The following CRADD variants were observed in gnomAD, a reference collection of about 807,000 sequenced individuals.
CRADD encodes death domain-containing protein CRADD.
Under a neutral mutation model 15.5 loss-of-function variants are expected in CRADD, and 9 were observed. The observed-to-expected ratio is 0.58, with a 90% confidence interval of 0.35 to 1.01. CRADD has a LOEUF of 1.01. CRADD is among the 50% of genes least tolerant of loss of function. CRADD has a pLI of 0.02. For synonymous variants in CRADD, 118 were observed against 107.6 expected (o/e 1.10, Z -0.60); for missense variants, 227 against 250.3 (o/e 0.91, Z 0.63).
intron 2 of CRADD, among the ~76,000 whole-genome samples, chr12:93,827,872 A>G (rs1311565549): frequency 1.3e-5 from 2 of 152,196 alleles, no homozygotes; most frequent in African/African-American, 2.4e-5. Context: ...TTGAACAGCA[A>G]CTCCTCATTT....
chr12:93,872,739 GTT>G (rs1169194834), intron 2 of CRADD, among the ~76,000 whole-genome samples: 16 of 152,136 alleles, frequency 1.1e-4, no homozygotes, highest in Non-Finnish European at 1.9e-4. Flanking sequence ...TTGTTTCTGA[GTT>G]CTCTATTCTG....
chr12:93,861,387 G>T (rs749937372), intron 2 of CRADD, among the ~76,000 whole-genome samples: 1 of 152,372 alleles, frequency 6.6e-6, no homozygotes, highest in East Asian at 1.9e-4. Flanking sequence ...TGGCCATAGT[G>T]AAGTGTGGTG....
chr12:93,719,114 T>C (rs1438441707), intron 2 of CRADD, among the ~76,000 whole-genome samples: 2 of 152,178 alleles, frequency 1.3e-5, no homozygotes, highest in African/African-American at 2.4e-5. Context: ...AAATATGTTT[T>C]TTATCAAGTT....
chr12:93,783,992 G>T (rs936784943), intron 2 of CRADD, among the ~76,000 whole-genome samples: 12 of 152,168 alleles, frequency 7.9e-5, no homozygotes, highest in African/African-American at 2.7e-4. Flanking sequence ...AGAGTGAGTA[G>T]CAAGCCACCT....
At chr12:93,752,321 G>A (rs1956837991) in intron 2 of CRADD, among the ~76,000 whole-genome samples, 1 of 152,348 alleles carries the variant, frequency 6.6e-6, no homozygotes, top group East Asian at 1.9e-4. Flanking sequence ...ATTTAGGCCT[G>A]CTAAGGATGT....
chr12:93,844,747 A>C (rs2137044419), intron 2 of CRADD, among the ~76,000 whole-genome samples: 1 of 152,258 alleles, frequency 6.6e-6, no homozygotes, highest in South Asian at 2.1e-4. Context: ...ACAAAATCAA[A>C]CCCAGCCCCA....
chr12:93,877,793 A>T (rs1250393736), intron 2 of CRADD, among the ~76,000 whole-genome samples: 2 of 152,148 alleles, frequency 1.3e-5, no homozygotes, highest in African/African-American at 4.8e-5. Context: ...GCCATCCAAG[A>T]GTCAAGTCCT....
At chr12:93,682,294 G>C (rs1955328494) in intron 2 of CRADD, among the ~76,000 whole-genome samples, 1 of 152,152 alleles carries the variant, frequency 6.6e-6, no homozygotes. Flanking sequence ...TGAGGATCTA[G>C]ACTATAGGAG....
intron 2 of CRADD, among the ~76,000 whole-genome samples, chr12:93,770,793 G>A (rs184930194): frequency 3.9e-5 from 6 of 152,198 alleles, no homozygotes; most frequent in Non-Finnish European, 7.3e-5. Context: ...CAAATGAAAA[G>A]ATTAGAACAG....
chr12:93,795,998 A>G (rs1436034425), intron 2 of CRADD, among the ~76,000 whole-genome samples: 1 of 152,230 alleles, frequency 6.6e-6, no homozygotes, highest in East Asian at 1.9e-4. Context: ...CCTAGAGTAG[A>G]TAAGTACTTC....
intron 2 of CRADD, among the ~76,000 whole-genome samples, chr12:93,857,104 G>T (rs1271138890): frequency 6.6e-6 from 1 of 151,480 alleles, no homozygotes; most frequent in South Asian, 2.1e-4. Context: ...TCAAAGCATA[G>T]GCTATGAAAT....
At chr12:93,692,645 G>A (rs1187858693) in intron 2 of CRADD, among the ~76,000 whole-genome samples, 1 of 152,178 alleles carries the variant, frequency 6.6e-6, no homozygotes, top group Non-Finnish European at 1.5e-5. Flanking sequence ...TTCTTTAGAA[G>A]TGAAGGAGAG....
intron 2 of CRADD, among the ~76,000 whole-genome samples, chr12:93,874,439 G>A (rs915886925): frequency 6.6e-6 from 1 of 151,270 alleles, no homozygotes; most frequent in Non-Finnish European, 1.5e-5. Flanking sequence ...ATTTATTTCT[G>A]TTCTGATCTT....
chr12:93,753,213 C>T (rs55650766), intron 2 of CRADD, among the ~76,000 whole-genome samples: 1 of 152,058 alleles, frequency 6.6e-6, no homozygotes. Flanking sequence ...TCTTGTGAGA[C>T]TTATTCACAC....
intron 2 of CRADD, among the ~76,000 whole-genome samples, chr12:93,773,757 C>G (rs1957110267): frequency 6.7e-6 from 1 of 148,534 alleles, no homozygotes; most frequent in Admixed American, 6.7e-5. Flanking sequence ...AGGTAGGGCA[C>G]ATTGCTTCCA....
At chr12:93,832,479 A>G (rs1212626981) in intron 2 of CRADD, among the ~76,000 whole-genome samples, 1 of 152,206 alleles carries the variant, frequency 6.6e-6, no homozygotes, top group African/African-American at 2.4e-5. Context: ...AATAAGGAAA[A>G]CATAAGTCCA....
chr12:93,743,379 C>T (rs1000719526), intron 2 of CRADD, among the ~76,000 whole-genome samples: 4 of 152,000 alleles, frequency 2.6e-5, no homozygotes, highest in Admixed American at 1.3e-4. Flanking sequence ...TCATCCAGGC[C>T]GGAGTGCAGT....
intron 2 of CRADD, among the ~76,000 whole-genome samples, chr12:93,701,695 A>G (rs1049134450): frequency 6.6e-6 from 1 of 152,138 alleles, no homozygotes; most frequent in African/African-American, 2.4e-5. Context: ...TTAGTGAGTA[A>G]CATTCTCTAT....
rs188255580 is a variant in CRADD at position 93,804,800 on chromosome 12, A to G, written c.299-45170A>G. Among the ~76,000 whole-genome samples, 192 of 152,288 alleles carry G rather than the reference A, an allele frequency of 1.3e-3. 2 individuals are homozygous for G. The highest frequency in any genetic ancestry group is 4.5e-3 in the African/African-American group (189 of 41,582). ...AGGAAAGGATGTAGACACATAATTC[A>G]GAATCAAACATTGAATGAAGGACTC... On this transcript the variant is annotated intron_variant, in intron 2 of 2. Coordinates refer to ENST00000332896, the MANE Select transcript of CRADD (RefSeq NM_003805.5).
Sources: gnomAD v4.1 joint callset for allele counts (sites outside exome capture counted in the v4.1 genomes callset) on GRCh38, gnomAD v4.1.1 for gene constraint, MANE v1.5 for transcripts, NCBI Gene and HGNC (gene_info 2026-07-23, HGNC 2026-07-21) for gene names.